Variants in AEBP2 observed in about 807,000 individuals in gnomAD.
The protein encoded by AEBP2 is AE binding protein 2.
AEBP2 carries 10 observed loss-of-function variants against 50.8 expected under a neutral mutation model. That is an observed-to-expected ratio of 0.20 (90% CI 0.12 to 0.33). The LOEUF is 0.33. Ranked by LOEUF, AEBP2 falls within the 10% of genes least tolerant of loss-of-function variation. AEBP2 has a pLI of 1.00. For synonymous variants in AEBP2, 296 were observed against 261.3 expected (o/e 1.13, Z -1.28); for missense variants, 570 against 688.0 (o/e 0.83, Z 1.92).
chr12:19,452,620 C>G (rs1948183594), intron 1 of AEBP2, among the ~76,000 whole-genome samples: 2 of 151,938 alleles, frequency 1.3e-5, no homozygotes, highest in Non-Finnish European at 2.9e-5. Flanking sequence ...ATAATCTGTT[C>G]CAATGAATGG....
intron 5 of AEBP2, among the ~76,000 whole-genome samples, chr12:19,511,427 T>C (rs1311430768): frequency 6.6e-6 from 1 of 152,138 alleles, no homozygotes; most frequent in Non-Finnish European, 1.5e-5. Flanking sequence ...CAGAAAACCA[T>C]GAAATAGCTG....
intron 5 of AEBP2, among the ~76,000 whole-genome samples, chr12:19,507,787 G>A (rs1228936078): frequency 6.6e-6 from 1 of 152,200 alleles, no homozygotes; most frequent in Non-Finnish European, 1.5e-5. Flanking sequence ...CTATAACTGG[G>A]AAGGTTTTGA....
intron 1 of AEBP2, among the ~76,000 whole-genome samples, chr12:19,448,360 C>T (rs1565707638): frequency 6.6e-6 from 1 of 152,104 alleles, no homozygotes; most frequent in Non-Finnish European, 1.5e-5. Context: ...AGGCGCATGC[C>T]TGTAATCCCA....
At chr12:19,472,610 A>G (rs1016167565) in intron 2 of AEBP2, among the ~76,000 whole-genome samples, 1 of 152,168 alleles carries the variant, frequency 6.6e-6, no homozygotes, top group African/African-American at 2.4e-5. Context: ...ACAAAATTTC[A>G]TATTCCAGAC....
chr12:19,487,014 A>T (rs181292029), intron 3 of AEBP2, among the ~76,000 whole-genome samples: 2 of 152,156 alleles, frequency 1.3e-5, no homozygotes, highest in African/African-American at 4.8e-5. Flanking sequence ...TTTTTGTTTC[A>T]GCAATTTGCA....
At position 19,439,528 on chromosome 12, in the gene AEBP2, C is replaced by A. The variant is rs1160866171; in HGVS notation, c.-172C>A. On this transcript the variant is annotated 5_prime_UTR_variant, in exon 1 of 8. Coordinates refer to ENST00000266508, the MANE Select transcript of AEBP2 (RefSeq NM_153207.5). ...GAGTGCGCGTAGTCGCGCGCCTGTC[C>A]CCGCGCGGGCTCCGTAGCGCGTGTG... is the stretch of plus-strand genomic sequence containing the variant. 8 of 858,258 alleles carry A rather than the reference C, an allele frequency of 9.3e-6. No individual in the cohort carries two copies. Among genetic ancestry groups the A allele is most frequent in the African/African-American group, 1.8e-5 (1 of 54,646 alleles). The allele number at this position is 858,258 out of a possible 1,614,324, so 53.2% of individuals were successfully genotyped here.
At chr12:19,497,474 T>C (rs775247516) in intron 4 of AEBP2, among the ~76,000 whole-genome samples, 5 of 152,070 alleles carry the variant, frequency 3.3e-5, no homozygotes, top group Admixed American at 6.5e-5. Context: ...TGTTCTGTTT[T>C]TGTTTTTTGT....
intron 3 of AEBP2, among the ~76,000 whole-genome samples, chr12:19,481,120 A>G (rs1948722738): frequency 7.4e-5 from 2 of 27,164 alleles, no homozygotes; most frequent in African/African-American, 2.7e-4. Context: ...TTTTTTTTTG[A>G]GACCGAGTCT....
At chr12:19,510,084 A>G (rs562865132) in intron 5 of AEBP2, among the ~76,000 whole-genome samples, 2 of 152,054 alleles carry the variant, frequency 1.3e-5, no homozygotes, top group African/African-American at 2.4e-5. Context: ...CTGCCCACCT[A>G]TCACTTGTTT....
At chr12:19,440,578 C>G (rs1195395033) in intron 1 of AEBP2, 25 of 1,443,512 alleles carry the variant, frequency 1.7e-5, no homozygotes, top group Admixed American at 4.8e-5. Context: ...ACCGTTCCCC[C>G]CCAACTCTCC....
At chr12:19,429,009 G>A (rs989471625) in intron 1 of AEBP2, among the ~76,000 whole-genome samples, 2 of 152,076 alleles carry the variant, frequency 1.3e-5, no homozygotes, top group African/African-American at 4.8e-5. Context: ...TAAGTTTTAG[G>A]ATACATGTGC....
chr12:19,476,978 G>A (rs1223895385), intron 3 of AEBP2, among the ~76,000 whole-genome samples: 2 of 152,110 alleles, frequency 1.3e-5, no homozygotes, highest in Non-Finnish European at 1.5e-5. Flanking sequence ...TGGTGTTGTC[G>A]ATGATTTCTT....
intron 7 of AEBP2, 31 bp from the exon 8 acceptor site, chr12:19,518,056 A>C: frequency 6.3e-7 from 1 of 1,581,204 alleles, no homozygotes; most frequent in Non-Finnish European, 8.6e-7. Context: ...GATTCAGTTG[A>C]ATAAAAGGAT....
At chr12:19,410,603 C>A (rs1277408678) in intron 1 of AEBP2, among the ~76,000 whole-genome samples, 1 of 152,184 alleles carries the variant, frequency 6.6e-6, no homozygotes, top group Non-Finnish European at 1.5e-5. Context: ...TGACCTTCAT[C>A]TACCCCCTTC....
At chr12:19,443,066 C>G (rs976787557) in intron 1 of AEBP2, among the ~76,000 whole-genome samples, 1 of 151,216 alleles carries the variant, frequency 6.6e-6, no homozygotes, top group Non-Finnish European at 1.5e-5. Context: ...CTGATATGCT[C>G]TAGAATTTGT....
At chr12:19,409,861 G>A (rs2095738349) in intron 1 of AEBP2, among the ~76,000 whole-genome samples, 1 of 152,034 alleles carries the variant, frequency 6.6e-6, no homozygotes, top group African/African-American at 2.4e-5. Flanking sequence ...AATTACCTTG[G>A]GACTGCATTA....
At chr12:19,468,582 G>A (rs900962445) in intron 2 of AEBP2, among the ~76,000 whole-genome samples, 1 of 152,120 alleles carries the variant, frequency 6.6e-6, no homozygotes, top group African/African-American at 2.4e-5. Flanking sequence ...GTGCATAGAT[G>A]TTTGTGCATT....
intron 1 of AEBP2, among the ~76,000 whole-genome samples, chr12:19,449,138 A>G (rs1201162276): frequency 1.3e-5 from 2 of 152,228 alleles, no homozygotes; most frequent in Non-Finnish European, 2.9e-5. Context: ...AGAAATGCAT[A>G]CTGAAATCAT....
chr12:19,505,736 A>G (rs907181971), intron 5 of AEBP2, among the ~76,000 whole-genome samples: 6 of 152,102 alleles, frequency 3.9e-5, no homozygotes, highest in African/African-American at 1.4e-4. Context: ...AAGCCATTGA[A>G]GGGGGTTGAA....
Sources: allele counts gnomAD v4.1 joint callset (sites outside exome capture counted in the v4.1 genomes callset), GRCh38; gene constraint gnomAD v4.1.1; transcripts MANE v1.5; gene names NCBI Gene and HGNC (gene_info 2026-07-23, HGNC 2026-07-21).